RAB2B: variants seen among roughly 807,000 people sequenced by gnomAD.
RAB2B encodes ras-related protein Rab-2B.
A neutral mutation model predicts 29.8 loss-of-function variants in RAB2B; 20 were observed. That is an observed-to-expected ratio of 0.67 (90% confidence interval 0.47 to 0.97). RAB2B has a LOEUF of 0.97. Ranked by LOEUF, RAB2B falls within the 50% of genes least tolerant of loss-of-function variation. The pLI, the probability that RAB2B is intolerant of heterozygous loss-of-function variation, is 0.00. For missense variants in RAB2B, 218 were observed against 272.0 expected, an observed-to-expected ratio of 0.80 and a Z score of 1.40; for synonymous variants, 93 against 91.7, an observed-to-expected ratio of 1.01 and a Z score of -0.08.
At chr14:21,474,767 C>T in intron 3 of RAB2B, 100 bp downstream of exon 3, 2 of 918,878 alleles carry the variant, frequency 2.2e-6, no homozygotes, top group African/African-American at 1.6e-5. Context: ...CCTACTTTAT[C>T]CCCACCATTA....
In RAB2B at chr14:21,459,855, C is replaced by T. The variant is rs1890497815; in HGVS notation, c.*1341G>A. The T allele has an allele frequency of 8.0e-6, 2 of 250,470 alleles. No individual in the cohort carries two copies. Among genetic ancestry groups the T allele is most frequent in the African/African-American group, 4.5e-5 (2 of 44,554 alleles). 15.5% of individuals were successfully genotyped at this position (250,470 alleles called of 1,614,324 possible). A position where few individuals can be genotyped will look rare whatever the true frequency, so the allele number is the denominator to read the frequency against. ...GATTAGCCTGATTGGAGTAGAAAGTCTAGGTCTAGTTAAGAAGGGAGTTTG... is the reference window on the plus strand; with the variant it reads ...GATTAGCCTGATTGGAGTAGAAAGTTTAGGTCTAGTTAAGAAGGGAGTTTG... On this transcript the variant is annotated 3_prime_UTR_variant, in exon 8 of 8. Coordinates refer to ENST00000397762, the MANE Select transcript of RAB2B (RefSeq NM_032846.4).
intron 3 of RAB2B, 194 bp downstream of exon 3, chr14:21,474,673 G>T (rs1299581716): frequency 5.0e-5 from 26 of 523,326 alleles, no homozygotes; most frequent in East Asian, 4.9e-4. Flanking sequence ...CTATTACTTG[G>T]ATCGTTTACA....
At chr14:21,463,158 T>C (rs1890603414) in intron 6 of RAB2B, among the ~76,000 whole-genome samples, 1 of 151,500 alleles carries the variant, frequency 6.6e-6, no homozygotes, top group African/African-American at 2.4e-5. Flanking sequence ...AAAGCAAAAG[T>C]AAAACCTTGG....
At chr14:21,470,521 T>C (rs1890783166) in intron 3 of RAB2B, among the ~76,000 whole-genome samples, 1 of 152,048 alleles carries the variant, frequency 6.6e-6, no homozygotes, top group African/African-American at 2.4e-5. Flanking sequence ...AACATGTGAG[T>C]GAGTTGCATA....
chr14:21,475,540 C>T lies in RAB2B; in HGVS notation c.119-606G>A, dbSNP rs558606875. ...CCACCTCCTGAGTTCAAGTGATTCT[C>T]CTGCCTCAGCCTCCCAAGTAAGTAC... On this transcript the variant is annotated intron_variant, in intron 2 of 7. Coordinates refer to ENST00000397762, the MANE Select transcript of RAB2B (RefSeq NM_032846.4). Among the ~76,000 whole-genome samples, 5 of 151,090 alleles carry T rather than the reference C, an allele frequency of 3.3e-5. No individual in the cohort carries two copies. The Admixed American group carries it at 3.3e-4, about 10-fold the overall frequency.
chr14:21,466,050 A>G (rs1358835635), intron 5 of RAB2B, among the ~76,000 whole-genome samples: 1 of 152,212 alleles, frequency 6.6e-6, no homozygotes, highest in African/African-American at 2.4e-5. Context: ...ACAATTTACA[A>G]TTTGATACAA....
chr14:21,471,671 T>G (rs569865442), intron 3 of RAB2B, among the ~76,000 whole-genome samples: 7 of 99,932 alleles, frequency 7.0e-5, no homozygotes, highest in Admixed American at 1.2e-4. Context: ...AAGATGAAGG[T>G]TTTTTTTTCC....
At chr14:21,476,674 G>A (rs776428417) in intron 1 of RAB2B, 75 bp from the exon 2 acceptor site, 24 of 1,612,784 alleles carry the variant, frequency 1.5e-5, no homozygotes, top group South Asian at 3.3e-5. Flanking sequence ...CCGGACCAGA[G>A]AAGGGGGGCT....
intron 5 of RAB2B, among the ~76,000 whole-genome samples, chr14:21,468,062 G>A (rs1229571520): frequency 6.6e-6 from 1 of 152,088 alleles, no homozygotes; most frequent in African/African-American, 2.4e-5. Context: ...GGGGATGGGG[G>A]AGGGAAGATG....
At chr14:21,467,968 A>G (rs547713569) in intron 5 of RAB2B, among the ~76,000 whole-genome samples, 2 of 152,304 alleles carry the variant, frequency 1.3e-5, no homozygotes, top group South Asian at 4.1e-4. Context: ...AAGCACAAAT[A>G]TTACATGAGT....
In RAB2B at chr14:21,461,143, C is replaced by G; in HGVS notation, c.*53G>C. Reference sequence around the variant, plus strand: ...AGCAAGAAAGACCTCTTTCATTAAGCCTATTGATCTGAAGCTATTCCAGGA... The same window carrying G: ...AGCAAGAAAGACCTCTTTCATTAAGGCTATTGATCTGAAGCTATTCCAGGA... On this transcript the variant is annotated 3_prime_UTR_variant, in exon 8 of 8. Transcript: ENST00000397762. 1 of 1,222,288 alleles carries G rather than the reference C, an allele frequency of 8.2e-7. No individual in the cohort carries two copies. Among genetic ancestry groups the G allele is most frequent in the Non-Finnish European group, 1.2e-6 (1 of 842,952 alleles). 75.7% of individuals were successfully genotyped at this position (1,222,288 alleles called of 1,614,324 possible). A position where few individuals can be genotyped will look rare whatever the true frequency, so the allele number is the denominator to read the frequency against.
rs1226342976 is a variant in RAB2B at position 21,460,390 on chromosome 14, T to G, written c.*806A>C. Reference sequence around the variant, plus strand: ...TCACGAGGTCAAGAGATCAAGACCATCCTGGCCAACATGGTGAAACCCTGT... The same window carrying G: ...TCACGAGGTCAAGAGATCAAGACCAGCCTGGCCAACATGGTGAAACCCTGT... On this transcript the variant is annotated 3_prime_UTR_variant, in exon 8 of 8. Transcript: ENST00000397762. 3 of 457,400 alleles carry G rather than the reference T, an allele frequency of 6.6e-6. No homozygotes were observed. The highest frequency in any genetic ancestry group is 1.3e-5 in the Non-Finnish European group (3 of 229,854). The allele number at this position is 457,400 out of a possible 1,614,324, so 28.3% of individuals were successfully genotyped here.
At chr14:21,472,686 GTTC>G (rs1425635707) in intron 3 of RAB2B, among the ~76,000 whole-genome samples, 3 of 152,162 alleles carry the variant, frequency 2.0e-5, no homozygotes, top group African/African-American at 7.2e-5. Context: ...TGACCATGTA[GTTC>G]TTAAGGATTC....
intron 3 of RAB2B, among the ~76,000 whole-genome samples, chr14:21,472,824 A>G (rs1890852109): frequency 6.8e-6 from 1 of 147,004 alleles, no homozygotes; most frequent in African/African-American, 2.4e-5. Flanking sequence ...GAGTGCTTAA[A>G]AAAAAAAAAA....
intron 6 of RAB2B, among the ~76,000 whole-genome samples, chr14:21,463,395 C>T (rs769534345): frequency 1.7e-4 from 26 of 152,010 alleles, no homozygotes; most frequent in East Asian, 1.2e-3. Flanking sequence ...TACAGACACA[C>T]GCCGCCATGA....
At chr14:21,467,308 G>T (rs2139598731) in intron 5 of RAB2B, among the ~76,000 whole-genome samples, 1 of 152,190 alleles carries the variant, frequency 6.6e-6, no homozygotes, top group Middle Eastern at 3.4e-3. Context: ...ACAGGCCCAA[G>T]TGATCCTCCC....
Position 21,474,905 on chromosome 14 carries a change from T to C in RAB2B, c.148A>G (p.Ile50Val). The C allele has an allele frequency of 6.2e-7, 1 of 1,614,126 alleles. No homozygotes were observed. The highest frequency in any genetic ancestry group is 1.1e-5 in the South Asian group (1 of 91,080). The change falls in exon 3 of 8, where the codon ATT becomes GTT. Residue 50 changes from isoleucine to valine, a missense_variant. Coordinates refer to ENST00000397762, the MANE Select transcript of RAB2B (RefSeq NM_032846.4). The part of the protein sequence containing the change: ...GVEFGARMVN[I>V]DGKQIKLQIW... ...TGCAGTTTGATTTGTTTTCCATCAA[T>C]GTTGACCATACGAGCTCCAAACTCC...
Position 21,468,744 on chromosome 14 carries a change from T to C in RAB2B, c.195A>G (p.Gln65=). The change falls in exon 4 of 8, where the codon CAA becomes CAG. Residue 65 remains glutamine (Q), a synonymous_variant. Coordinates refer to ENST00000397762, the MANE Select transcript of RAB2B (RefSeq NM_032846.4). ...IKLQIWDTAG[Q]ESFRSITRSY... Reference sequence around the variant, plus strand: ...AACGGGTGATAGAACGGAAGGATTCTTGCCCAGCCTTTCCCACCAACATGG... The same window carrying C: ...AACGGGTGATAGAACGGAAGGATTCCTGCCCAGCCTTTCCCACCAACATGG... The C allele has an allele frequency of 6.5e-7, 1 of 1,537,118 alleles. No individual in the cohort carries two copies. The highest frequency in any genetic ancestry group is 8.7e-7 in the Non-Finnish European group (1 of 1,143,000).
chr14:21,476,678 G>T (rs773266615), intron 1 of RAB2B, 79 bp from the exon 2 acceptor site: 45 of 1,612,054 alleles, frequency 2.8e-5, no homozygotes, highest in African/African-American at 1.9e-4. Flanking sequence ...ACCAGAGAAG[G>T]GGGGCTCCCG....
Sources: gnomAD v4.1 joint callset for allele counts (sites outside exome capture counted in the v4.1 genomes callset) on GRCh38, gnomAD v4.1.1 for gene constraint, MANE v1.5 for transcripts, NCBI Gene and HGNC (gene_info 2026-07-23, HGNC 2026-07-21) for gene names.